Variants in ACSM1 observed in about 807,000 individuals in gnomAD.
The protein encoded by ACSM1 is acyl-CoA synthetase medium chain family member 1, also known as acyl-coenzyme A synthetase ACSM1, mitochondrial.
A neutral mutation model predicts 75.8 loss-of-function variants in ACSM1; 79 were observed. The observed-to-expected ratio is 1.04, with a 90% CI of 0.87 to 1.26. The LOEUF (loss-of-function observed/expected upper bound fraction) is 1.26, where lower values mean the gene tolerates loss of function less well. Among genes scored for constraint, ACSM1 ranks in the 50% most tolerant of loss-of-function variants. The pLI, the probability that ACSM1 is intolerant of heterozygous loss-of-function variation, is 0.00. For synonymous variants in ACSM1, 279 were observed against 265.8 expected (o/e 1.05, Z -0.48); for missense variants, 676 against 720.1 (o/e 0.94, Z 0.70).
chr16:20,688,034 G>A (rs1433837417), intron 2 of ACSM1, among the ~76,000 whole-genome samples: 1 of 151,382 alleles, frequency 6.6e-6, no homozygotes, highest in Non-Finnish European at 1.5e-5. Context: ...GCAGTGAGCT[G>A]AGATCGTGCC....
intron 7 of ACSM1, among the ~76,000 whole-genome samples, chr16:20,658,293 C>A (rs545454431): frequency 6.6e-6 from 1 of 152,114 alleles, no homozygotes; most frequent in Non-Finnish European, 1.5e-5. Flanking sequence ...TTTTAATGAT[C>A]GCCATTCTAA....
intron 2 of ACSM1, among the ~76,000 whole-genome samples, chr16:20,690,106 G>T (rs2079625802): frequency 6.6e-6 from 1 of 152,246 alleles, no homozygotes; most frequent in African/African-American, 2.4e-5. Context: ...AAAAGAAAAA[G>T]AAGGTGGTGG....
intron 6 of ACSM1, among the ~76,000 whole-genome samples, chr16:20,663,067 C>T (rs957537541): frequency 1.3e-5 from 2 of 152,130 alleles, no homozygotes; most frequent in African/African-American, 4.8e-5. Context: ...CCCTTGTGGC[C>T]TTTGGGACAC....
chr16:20,669,441 AAC>A (rs71149170), intron 6 of ACSM1, among the ~76,000 whole-genome samples: 22,026 of 141,068 alleles, frequency 0.16, 1,975 homozygotes, highest in East Asian at 0.44. Context: ...TGAGTAAGAA[AAC>A]ACACACACAC....
intron 10 of ACSM1, among the ~76,000 whole-genome samples, chr16:20,633,508 G>A (rs1189331325): frequency 2.6e-5 from 4 of 152,060 alleles, no homozygotes; most frequent in East Asian, 1.9e-4. Flanking sequence ...ACTACAAAAC[G>A]TTACTACAGA....
intron 6 of ACSM1, among the ~76,000 whole-genome samples, chr16:20,667,826 A>G (rs566431559): frequency 6.6e-6 from 1 of 152,362 alleles, no homozygotes; most frequent in East Asian, 1.9e-4. Context: ...AGCCATAAAG[A>G]AGAATGAAAT....
rs763597029 is a variant in ACSM1, at chr16:20,682,437, G to A, written c.430C>T (p.Leu144=). Residue 144 remains leucine (L), a synonymous_variant, in exon 4 of 14, where the codon CTG becomes TTG. Coordinates refer to ENST00000520010, the MANE Select transcript of ACSM1 (RefSeq NM_001318890.3). ...TAGAGAATGTCTTTGGCCTTCAACAGGATGGTCGCAGGAATGAAGATGATC... is the reference window on the plus strand; with the variant it reads ...TAGAGAATGTCTTTGGCCTTCAACAAGATGGTCGCAGGAATGAAGATGATC... ...TGIIFIPATI[L]LKAKDILYRL... 1.2e-6 allele frequency: 2 copies of A among 1,613,712 alleles called. No individual in the cohort carries two copies. Among genetic ancestry groups the A allele is most frequent in the Admixed American group, 3.3e-5 (2 of 60,016 alleles).
chr16:20,637,077 G>A (rs948253384), intron 9 of ACSM1: 2 of 752,624 alleles, frequency 2.7e-6, no homozygotes, highest in African/African-American at 3.4e-5. Context: ...TTGGAAAACA[G>A]TGATCAAAAA....
intron 13 of ACSM1, 98 bp from the exon 14 acceptor site, chr16:20,623,670 C>G (rs2016744225): frequency 2.5e-6 from 3 of 1,212,682 alleles, no homozygotes; most frequent in African/African-American, 3.0e-5. Flanking sequence ...GTCTCCCATG[C>G]AGGCTGACAC....
intron 10 of ACSM1, among the ~76,000 whole-genome samples, chr16:20,628,596 C>T (rs1433045042): frequency 2.0e-5 from 3 of 151,942 alleles, no homozygotes; most frequent in African/African-American, 7.3e-5. Flanking sequence ...ATCCAAGTTG[C>T]ATGCACAAAC....
chr16:20,696,826 T>G (rs2079692294), intron 1 of ACSM1, among the ~76,000 whole-genome samples: 1 of 152,182 alleles, frequency 6.6e-6, no homozygotes, highest in Non-Finnish European at 1.5e-5. Flanking sequence ...AGCAACATAC[T>G]TACTGTGTTA....
intron 7 of ACSM1, among the ~76,000 whole-genome samples, chr16:20,654,279 C>G (rs1490735659): frequency 6.6e-6 from 1 of 152,144 alleles, no homozygotes; most frequent in East Asian, 1.9e-4. Flanking sequence ...AAATGTTAGA[C>G]CTAAAACCAT....
intron 7 of ACSM1, among the ~76,000 whole-genome samples, chr16:20,654,520 C>G (rs897193551): frequency 6.6e-6 from 1 of 152,166 alleles, no homozygotes; most frequent in East Asian, 1.9e-4. Flanking sequence ...GGGCTAATAT[C>G]CAGAATCTAC....
At position 20,623,441 on chromosome 16, in the gene ACSM1, A is replaced by G; in HGVS notation, c.*45T>C. 1 of 1,575,928 alleles carries G rather than the reference A, an allele frequency of 6.3e-7. No individual in the cohort carries two copies. The highest frequency in any genetic ancestry group is 8.7e-7 in the Non-Finnish European group (1 of 1,145,690). ...CCATAGTGGGGAGACTAAAGTGGCC[A>G]GGGATTTGCCTTAGGTGTGCAGTGC... is the stretch of plus-strand genomic sequence containing the variant. On this transcript the variant is annotated 3_prime_UTR_variant, in exon 14 of 14. Transcript: ENST00000520010.
chr16:20,651,700 G>A (rs570054357), intron 7 of ACSM1, among the ~76,000 whole-genome samples: 41 of 151,078 alleles, frequency 2.7e-4, no homozygotes, highest in Admixed American at 8.6e-4. Flanking sequence ...CTAATTAATT[G>A]GCTTTAAAAA....
chr16:20,634,811 T>C (rs2017562637), intron 10 of ACSM1, among the ~76,000 whole-genome samples: 1 of 152,186 alleles, frequency 6.6e-6, no homozygotes, highest in Non-Finnish European at 1.5e-5. Context: ...TACTACTGAA[T>C]TGTACACTCA....
rs376177196 is a variant in ACSM1, at chr16:20,625,431, G to A, written c.1519C>T (p.Arg507Ter). The change falls in exon 12 of 14, where the codon CGA becomes TGA. Residue 507 changes from arginine to a stop codon, truncating the protein, a stop_gained. Coordinates refer to ENST00000520010, the MANE Select transcript of ACSM1 (RefSeq NM_001318890.3). LOFTEE classifies it high-confidence loss of function. Reference sequence around the variant, plus strand: ...CTCTGTGTTCTCCTCACCTCCCCTCGAATCGGGTCTGGGCTGCCCACCACG... The same window carrying A: ...CTCTGTGTTCTCCTCACCTCCCCTCAAATCGGGTCTGGGCTGCCCACCACG... ...SAVVGSPDPI[R>*]GEVVKAFIVL... 6.2e-6 allele frequency: 10 copies of A among 1,613,950 alleles called. No individual in the cohort carries two copies. Among genetic ancestry groups the A allele is most frequent in the South Asian group, 2.2e-5 (2 of 91,068 alleles).
chr16:20,663,114 G>A (rs755776474), intron 6 of ACSM1, among the ~76,000 whole-genome samples: 3 of 152,212 alleles, frequency 2.0e-5, no homozygotes, highest in East Asian at 1.9e-4. Context: ...CTGCCCTGCC[G>A]CACCATAATC....
rs576786268 is a variant in ACSM1, at chr16:20,668,866, G to A, written c.912+961C>T. 3.3e-5 allele frequency among the ~76,000 whole-genome samples: 5 copies of A among 152,286 alleles called. No homozygotes were observed. In the South Asian group the frequency reaches 1.0e-3, roughly 32 times the overall value. On this transcript the variant is annotated intron_variant, in intron 6 of 13. Coordinates refer to ENST00000520010, the MANE Select transcript of ACSM1 (RefSeq NM_001318890.3). Reference sequence around the variant, plus strand: ...TTCAAAGGAAGGCATTTTAGGATAAGTACACTGAATATGTTTACGGACTGA... The same window carrying A: ...TTCAAAGGAAGGCATTTTAGGATAAATACACTGAATATGTTTACGGACTGA...
Sources: gnomAD v4.1 joint callset for allele counts (sites outside exome capture counted in the v4.1 genomes callset) on GRCh38, gnomAD v4.1.1 for gene constraint, MANE v1.5 for transcripts, NCBI Gene and HGNC (gene_info 2026-07-23, HGNC 2026-07-21) for gene names.